Variants in DGKB observed in about 807,000 individuals in gnomAD.
DGKB encodes the protein 90 kDa diacylglycerol kinase.
DGKB carries 67 observed loss-of-function variants against 114.3 expected under a neutral mutation model. The ratio of observed to expected loss-of-function variants is 0.59; its 90% CI spans 0.48 to 0.72. The LOEUF (loss-of-function observed/expected upper bound fraction) is 0.72, where lower values mean the gene tolerates loss of function less well. DGKB is among the 30% of genes least tolerant of loss of function. The probability of loss-of-function intolerance (pLI) is 0.00; values close to 1 mark genes in which losing one functional copy is unlikely to be tolerated. For missense variants in DGKB, 907 were observed against 975.2 expected (o/e 0.93, Z 0.93); for synonymous variants, 398 against 323.1 (o/e 1.23, Z -2.49).
intron 16 of DGKB, among the ~76,000 whole-genome samples, 170 bp downstream of exon 16, chr7:14,613,170 A>C (rs1272161952): frequency 6.6e-6 from 1 of 152,178 alleles, no homozygotes; most frequent in Non-Finnish European, 1.5e-5. Flanking sequence ...TTGTATTAAA[A>C]TTTCAATCCT....
At chr7:14,469,748 T>C (rs1158892674) in intron 21 of DGKB, among the ~76,000 whole-genome samples, 2 of 152,030 alleles carry the variant, frequency 1.3e-5, no homozygotes, top group Non-Finnish European at 2.9e-5. Context: ...CAAATAAAAA[T>C]ATATGAATCG....
intron 21 of DGKB, among the ~76,000 whole-genome samples, chr7:14,473,390 G>T (rs1461974272): frequency 6.6e-6 from 1 of 152,204 alleles, no homozygotes; most frequent in African/African-American, 2.4e-5. Flanking sequence ...GAGAACCTCT[G>T]CCTGGATTTC....
intron 20 of DGKB, 63 bp downstream of exon 20, chr7:14,574,147 TAA>T (rs1483065710): frequency 4.6e-6 from 6 of 1,299,444 alleles, no homozygotes; most frequent in Non-Finnish European, 6.3e-6. Context: ...TTTCATAGTT[TAA>T]AAGTTTTCTC....
chr7:14,697,123 G>A (rs1032897110), intron 8 of DGKB, among the ~76,000 whole-genome samples: 11 of 152,024 alleles, frequency 7.2e-5, no homozygotes, highest in African/African-American at 2.4e-4. Flanking sequence ...TTCAAGTCAA[G>A]TATATTTTAA....
At chr7:14,684,751 T>C (rs1821387173) in intron 10 of DGKB, among the ~76,000 whole-genome samples, 1 of 152,158 alleles carries the variant, frequency 6.6e-6, no homozygotes, top group Non-Finnish European at 1.5e-5. Flanking sequence ...AATAATAGGC[T>C]TGAGGTGTAA....
chr7:14,849,939 C>T (rs1849126502), intron 1 of DGKB, among the ~76,000 whole-genome samples: 1 of 152,132 alleles, frequency 6.6e-6, no homozygotes, highest in South Asian at 2.1e-4. Flanking sequence ...CAGAACAAAG[C>T]TCTGAGGAGA....
At chr7:14,309,065 A>C (rs970696416) in intron 23 of DGKB, among the ~76,000 whole-genome samples, 1 of 151,936 alleles carries the variant, frequency 6.6e-6, no homozygotes, top group African/African-American at 2.4e-5. Context: ...AAATACAAAA[A>C]ATTTAGCCAG....
At chr7:14,807,872 A>G (rs904018712) in intron 2 of DGKB, among the ~76,000 whole-genome samples, 1 of 151,986 alleles carries the variant, frequency 6.6e-6, no homozygotes, top group Admixed American at 6.6e-5. Context: ...ATATTTTGTC[A>G]TATTTGTTTA....
At chr7:14,728,735 G>C (rs1446553721) in intron 5 of DGKB, among the ~76,000 whole-genome samples, 1 of 144,252 alleles carries the variant, frequency 6.9e-6, no homozygotes, top group Non-Finnish European at 1.5e-5. Context: ...ATGGAGTCTC[G>C]CTCTGTCGTG....
intron 23 of DGKB, chr7:14,191,843 G>A: frequency 2.0e-6 from 1 of 488,320 alleles, no homozygotes; most frequent in East Asian, 5.5e-5. Context: ...CTATGTCCCT[G>A]TACTGGATTG....
chr7:14,562,491 T>C (rs1307131983), intron 20 of DGKB, among the ~76,000 whole-genome samples: 1 of 152,008 alleles, frequency 6.6e-6, no homozygotes, highest in African/African-American at 2.4e-5. Context: ...TGCCAGCCTG[T>C]GAAAGCAGCC....
At chr7:14,153,818 A>G (rs1782578450) in intron 25 of DGKB, among the ~76,000 whole-genome samples, 1 of 152,080 alleles carries the variant, frequency 6.6e-6, no homozygotes, top group African/African-American at 2.4e-5. Context: ...TTTCAAAAAC[A>G]TTAGCGCTAG....
chr7:14,428,036 A>G (rs1308271113), intron 21 of DGKB, among the ~76,000 whole-genome samples: 1 of 151,976 alleles, frequency 6.6e-6, no homozygotes, highest in Non-Finnish European at 1.5e-5. Context: ...ATTTTTCAAT[A>G]TTTTCAATAT....
intron 1 of DGKB, among the ~76,000 whole-genome samples, chr7:14,929,376 G>A (rs747467192): frequency 8.6e-5 from 13 of 151,818 alleles, no homozygotes; most frequent in Non-Finnish European, 1.6e-4. Context: ...CATTATCTCC[G>A]CATCCTCACC....
intron 23 of DGKB, among the ~76,000 whole-genome samples, chr7:14,228,538 G>GCACCCGCACACACACTCA (rs1447457123): frequency 6.6e-6 from 1 of 151,662 alleles, no homozygotes; most frequent in Non-Finnish European, 1.5e-5. Flanking sequence ...ACACACACTC[G>GCACCCGCACACACACTCA]CACCCGCACA....
intron 20 of DGKB, among the ~76,000 whole-genome samples, chr7:14,518,695 A>C (rs10270441): frequency 0.41 from 62,015 of 151,586 alleles, 12,866 homozygotes; most frequent in Admixed American, 0.48. Context: ...TGTGGCTCTT[A>C]AATTTTAGCA....
intron 23 of DGKB, among the ~76,000 whole-genome samples, chr7:14,250,743 C>T (rs1440053454): frequency 6.6e-6 from 1 of 152,004 alleles, no homozygotes; most frequent in Admixed American, 6.6e-5. Flanking sequence ...AGTCCCCTAC[C>T]GTTATTGCAT....
chr7:14,846,071 T>G (rs75134687), intron 1 of DGKB, among the ~76,000 whole-genome samples: 6,544 of 152,310 alleles, frequency 0.043, 469 homozygotes, highest in African/African-American at 0.15. Flanking sequence ...TTCTTTGATT[T>G]AGCATGACCT....
chr7:14,928,416 C>G (rs770438743), intron 1 of DGKB, among the ~76,000 whole-genome samples: 1 of 151,934 alleles, frequency 6.6e-6, no homozygotes, highest in Non-Finnish European at 1.5e-5. Flanking sequence ...TCTGTTCACT[C>G]AAAAATAATC....
Sources: allele counts gnomAD v4.1 joint callset (sites outside exome capture counted in the v4.1 genomes callset), GRCh38; gene constraint gnomAD v4.1.1; transcripts MANE v1.5; gene names NCBI Gene and HGNC (gene_info 2026-07-23, HGNC 2026-07-21).